The following TLN2 variants were observed in gnomAD, a reference collection of about 807,000 sequenced individuals.
TLN2 encodes talin 2.
TLN2 carries 118 observed loss-of-function variants against 294.7 expected under a neutral mutation model. That is an observed-to-expected ratio of 0.40 (90% confidence interval 0.34 to 0.47). The LOEUF (loss-of-function observed/expected upper bound fraction) is 0.47, where lower values mean the gene tolerates loss of function less well. Among genes scored for constraint, TLN2 ranks in the 20% least tolerant of loss-of-function variants. TLN2 has a pLI of 0.84. For missense variants in TLN2, 3,083 were observed against 3,282.2 expected (o/e 0.94, Z 1.48); for synonymous variants, 1,431 against 1,304.5 (o/e 1.10, Z -2.09).
chr15:62,722,626 C>A, intron 26 of TLN2, 139 bp downstream of exon 26: 1 of 1,151,750 alleles, frequency 8.7e-7, no homozygotes, highest in Non-Finnish European at 1.1e-6. Context: ...TAAAGATGCC[C>A]CTGTGGGTTG....
chr15:62,671,458 T>C (rs559650230), intron 9 of TLN2, among the ~76,000 whole-genome samples: 3 of 152,348 alleles, frequency 2.0e-5, no homozygotes, highest in African/African-American at 7.2e-5. Flanking sequence ...TTCTAGTGTA[T>C]GGTGTGAAGT....
At chr15:62,405,504 T>A (rs2033342641) in intron 1 of TLN2, among the ~76,000 whole-genome samples, 1 of 152,242 alleles carries the variant, frequency 6.6e-6, no homozygotes. Context: ...TTAAAATGCA[T>A]ACAGAAAGGG....
chr15:62,401,160 T>C (rs186030530), intron 1 of TLN2, among the ~76,000 whole-genome samples: 3 of 152,318 alleles, frequency 2.0e-5, no homozygotes, highest in South Asian at 2.1e-4. Context: ...CTGGATGTCC[T>C]TGAGAGATTT....
intron 26 of TLN2, among the ~76,000 whole-genome samples, chr15:62,724,197 A>T (rs1169793694): frequency 6.6e-6 from 1 of 152,130 alleles, no homozygotes; most frequent in Non-Finnish European, 1.5e-5. Flanking sequence ...ACTGTCATTG[A>T]CTAATTTGGT....
At chr15:62,458,833 C>T (rs772309737) in intron 1 of TLN2, among the ~76,000 whole-genome samples, 4 of 151,936 alleles carry the variant, frequency 2.6e-5, no homozygotes, top group South Asian at 2.1e-4. Context: ...TTGCATGTCC[C>T]TGCTTACTTA....
intron 54 of TLN2, among the ~76,000 whole-genome samples, chr15:62,825,830 A>ATTATAT (rs2068096794): frequency 2.4e-4 from 1 of 4,212 alleles, no homozygotes; most frequent in Non-Finnish European, 1.1e-3. Flanking sequence ...ATATATTATA[A>ATTATAT]TATATAATAT....
At chr15:62,665,705 C>T in intron 9 of TLN2, among the ~76,000 whole-genome samples, 1 of 7,846 alleles carries the variant, frequency 1.3e-4, no homozygotes, top group African/African-American at 1.4e-4. Flanking sequence ...CCCACAAACT[C>T]AAGATAATTC....
chr15:62,797,172 T>A, intron 47 of TLN2, 47 bp from the exon 48 acceptor site: 1 of 1,604,768 alleles, frequency 6.2e-7, no homozygotes, highest in Non-Finnish European at 8.5e-7. Context: ...TAATCAAGCT[T>A]TGCCCTCTGT....
In TLN2 at chr15:62,686,693, A is replaced by G; in HGVS notation, c.1010A>G (p.Lys337Arg). ...KLVPRLLGIT[K>R]DSVMRVDEKT... ...GTGCCTCGCCTGCTGGGGATCACCA[A>G]AGACTCGGTGATGCGCGTGGATGAG... Residue 337 changes from lysine to arginine, a missense_variant, in exon 12 of 59, where the codon AAA (lysine) becomes AGA (arginine). Lys to Arg is a conservative substitution (Grantham distance 26). Coordinates refer to ENST00000636159, the MANE Select transcript of TLN2 (RefSeq NM_015059.3). The G allele has an allele frequency of 1.2e-6, 2 of 1,614,082 alleles. No individual in the cohort carries two copies. The highest frequency in any genetic ancestry group is 2.7e-5 in the African/African-American group (2 of 75,044).
chr15:62,504,704 C>A (rs558517063), intron 1 of TLN2, among the ~76,000 whole-genome samples: 205 of 152,244 alleles, frequency 1.3e-3, no homozygotes, highest in Non-Finnish European at 2.3e-3. Flanking sequence ...TTAAGTAAAA[C>A]TTCCAGTAGT....
At chr15:62,471,234 G>T (rs886787918) in intron 1 of TLN2, among the ~76,000 whole-genome samples, 1 of 152,166 alleles carries the variant, frequency 6.6e-6, no homozygotes, top group Admixed American at 6.5e-5. Context: ...CTACTCGGGG[G>T]ACTGAGAGGT....
At chr15:62,764,093 G>A (rs10519173) in intron 40 of TLN2, among the ~76,000 whole-genome samples, 30,947 of 151,986 alleles carry the variant, frequency 0.2, 3,249 homozygotes, top group East Asian at 0.23. Flanking sequence ...TTAGTTAGTT[G>A]GCCAATTCAG....
At chr15:62,766,674 G>T (rs1245873198) in intron 41 of TLN2, among the ~76,000 whole-genome samples, 1 of 152,194 alleles carries the variant, frequency 6.6e-6, no homozygotes, top group Non-Finnish European at 1.5e-5. Flanking sequence ...TGTGGCCAGA[G>T]ATGTAATTTG....
chr15:62,699,653 T>G (rs1368902065), intron 16 of TLN2, among the ~76,000 whole-genome samples: 1 of 152,206 alleles, frequency 6.6e-6, no homozygotes. Context: ...GTGCAGAATC[T>G]TGGGCCTTCC....
At chr15:62,619,682 C>T (rs1160800852) in intron 3 of TLN2, among the ~76,000 whole-genome samples, 1 of 152,174 alleles carries the variant, frequency 6.6e-6, no homozygotes, top group Non-Finnish European at 1.5e-5. Context: ...GGAGAGGCCA[C>T]ACAAACACAT....
chr15:62,768,087 C>T (rs768328345), intron 41 of TLN2, among the ~76,000 whole-genome samples: 3 of 152,208 alleles, frequency 2.0e-5, no homozygotes, highest in Non-Finnish European at 2.9e-5. Context: ...TTCACACCCA[C>T]ATTTTCCCCA....
At position 62,653,329 on chromosome 15, in the gene TLN2, A is replaced by C; in HGVS notation, c.517+15A>C. The C allele has an allele frequency of 6.2e-7, 1 of 1,606,008 alleles. No homozygotes were observed. Among genetic ancestry groups the C allele is most frequent in the East Asian group, 2.2e-5 (1 of 44,640 alleles). On this transcript the variant is annotated intron_variant, in intron 7 of 58. Transcript: ENST00000636159. ...AGATGATGACCGTAAGTGTTTGCAG[A>C]GGAAGCATGATACAGACACACAGGC...
chr15:62,549,890 G>T (rs570170499), intron 1 of TLN2, among the ~76,000 whole-genome samples: 30 of 152,318 alleles, frequency 2.0e-4, no homozygotes, highest in African/African-American at 6.5e-4. Context: ...TTAAATAGCT[G>T]CGAGGTGGAG....
At chr15:62,603,972 C>T (rs2047204987) in intron 2 of TLN2, among the ~76,000 whole-genome samples, 1 of 152,140 alleles carries the variant, frequency 6.6e-6, no homozygotes, top group South Asian at 2.1e-4. Context: ...CTGCTGTTGG[C>T]ACACAGAAAG....
Sources: allele counts gnomAD v4.1 joint callset (sites outside exome capture counted in the v4.1 genomes callset), GRCh38; gene constraint gnomAD v4.1.1; transcripts MANE v1.5; gene names NCBI Gene and HGNC (gene_info 2026-07-23, HGNC 2026-07-21).